The following RABGAP1 variants were observed in gnomAD, a reference collection of about 807,000 sequenced individuals.
RABGAP1 encodes rab GTPase-activating protein 1.
A neutral mutation model predicts 137.6 loss-of-function variants in RABGAP1; 23 were observed. That is an observed-to-expected ratio of 0.17 (90% CI 0.12 to 0.24). The LOEUF is 0.24. Ranked by LOEUF, RABGAP1 falls within the 10% of genes least tolerant of loss-of-function variation. The probability of loss-of-function intolerance (pLI) is 1.00; values close to 1 mark genes in which losing one functional copy is unlikely to be tolerated. For synonymous variants in RABGAP1, 451 were observed against 450.7 expected (o/e 1.00, Z -0.01); for missense variants, 906 against 1,275.8 (o/e 0.71, Z 4.42).
intron 13 of RABGAP1, among the ~76,000 whole-genome samples, chr9:123,053,522 A>T (rs890475504): frequency 6.6e-6 from 1 of 152,228 alleles, no homozygotes; most frequent in Non-Finnish European, 1.5e-5. Flanking sequence ...TTAGTCTTTA[A>T]AATGACTTCT....
chr9:122,932,012 C>A, the RABGAP1 span, among the ~76,000 whole-genome samples: 4 of 152,218 alleles, frequency 2.6e-5, no homozygotes, highest in African/African-American at 9.7e-5. Context: ...CTTGCACTCC[C>A]ATGGCTTCCG....
chr9:123,021,311 C>A (rs2539931), intron 13 of RABGAP1, among the ~76,000 whole-genome samples: 1 of 143,444 alleles, frequency 7.0e-6, no homozygotes. Context: ...AAAAAAAAAC[C>A]TTATAAGGGA....
At chr9:123,076,454 A>G (rs2034513321) in intron 18 of RABGAP1, among the ~76,000 whole-genome samples, 168 bp downstream of exon 18, 1 of 152,236 alleles carries the variant, frequency 6.6e-6, no homozygotes, top group African/African-American at 2.4e-5. Context: ...TGGGGATTAT[A>G]AAAGTGCTGG....
chr9:122,942,451 CA>C (rs1833637197), intron 1 of RABGAP1, among the ~76,000 whole-genome samples: 1 of 151,978 alleles, frequency 6.6e-6, no homozygotes, highest in African/African-American at 2.4e-5. Flanking sequence ...GCGGGTGGAT[CA>C]CAAGGTCAGG....
At chr9:122,993,053 C>G (rs1223346969) in intron 6 of RABGAP1, among the ~76,000 whole-genome samples, 3 of 151,670 alleles carry the variant, frequency 2.0e-5, no homozygotes, top group Non-Finnish European at 4.4e-5. Flanking sequence ...CTCCAACATA[C>G]TGTGTATAAT....
intron 2 of RABGAP1, among the ~76,000 whole-genome samples, chr9:122,959,845 G>T (rs1475086410): frequency 6.6e-6 from 1 of 152,138 alleles, no homozygotes; most frequent in Non-Finnish European, 1.5e-5. Context: ...TTGTTTTTCT[G>T]CCCAGCCCCT....
chr9:122,969,789 C>T (rs1010233557), intron 2 of RABGAP1, among the ~76,000 whole-genome samples: 8 of 152,080 alleles, frequency 5.3e-5, no homozygotes, highest in Admixed American at 2.0e-4. Flanking sequence ...TAGTCTCAAA[C>T]TCCTGGCCTC....
intron 10 of RABGAP1, among the ~76,000 whole-genome samples, chr9:123,007,458 G>C (rs1369959638): frequency 6.8e-6 from 1 of 146,180 alleles, no homozygotes; most frequent in East Asian, 2.1e-4. Flanking sequence ...GCTCACTGCA[G>C]CCTCTGCCTC....
the RABGAP1 span, among the ~76,000 whole-genome samples, chr9:122,934,667 G>C: frequency 0.14 from 10,189 of 73,970 alleles, 408 homozygotes; most frequent in African/African-American, 0.16. Context: ...CACACTTGAC[G>C]CCTTTATTTT....
At chr9:122,990,847 TAGTC>T (rs1389170770) in intron 6 of RABGAP1, 1 of 119,482 alleles carries the variant, frequency 8.4e-6, no homozygotes, top group Non-Finnish European at 1.7e-5. Context: ...GGCCAAAGCT[TAGTC>T]AGCTGGATTT....
At chr9:123,007,691 C>T (rs1370049247) in intron 10 of RABGAP1, among the ~76,000 whole-genome samples, 1 of 149,890 alleles carries the variant, frequency 6.7e-6, no homozygotes, top group East Asian at 2.0e-4. Context: ...ATTGGGATTA[C>T]AGGCATGAGC....
chr9:123,062,852 G>A (rs1345488999), intron 13 of RABGAP1: 5 of 152,000 alleles, frequency 3.3e-5, no homozygotes, highest in East Asian at 1.9e-4. Context: ...GCAGTGCCAC[G>A]ATGTTGGCTC....
intron 21 of RABGAP1, among the ~76,000 whole-genome samples, chr9:123,096,925 C>T (rs1192097335): frequency 6.6e-6 from 1 of 152,104 alleles, no homozygotes; most frequent in East Asian, 1.9e-4. Flanking sequence ...AAAGAAGATA[C>T]AGGAAAGGAA....
At chr9:122,948,897 A>G (rs1834076243) in intron 1 of RABGAP1, among the ~76,000 whole-genome samples, 1 of 152,206 alleles carries the variant, frequency 6.6e-6, no homozygotes, top group Admixed American at 6.5e-5. Flanking sequence ...TATTCAACCA[A>G]CCAAATTTAT....
chr9:123,034,247 C>T, intron 13 of RABGAP1: 1 of 379,186 alleles, frequency 2.6e-6, no homozygotes. Flanking sequence ...TTTCCCCCTA[C>T]CCTCACTTGG....
intron 4 of RABGAP1, among the ~76,000 whole-genome samples, chr9:122,988,338 C>G (rs921272833): frequency 6.6e-6 from 1 of 152,132 alleles, no homozygotes; most frequent in African/African-American, 2.4e-5. Context: ...GTTGAAATTG[C>G]ATAGTTTCTT....
chr9:123,041,573 G>T (rs866772637), intron 13 of RABGAP1, among the ~76,000 whole-genome samples: 1 of 152,124 alleles, frequency 6.6e-6, no homozygotes, highest in Non-Finnish European at 1.5e-5. Flanking sequence ...GCATATTTCT[G>T]TTAACTCCAC....
intron 13 of RABGAP1, among the ~76,000 whole-genome samples, chr9:123,036,660 T>C (rs534077879): frequency 1.3e-5 from 2 of 152,212 alleles, no homozygotes; most frequent in Non-Finnish European, 2.9e-5. Context: ...ACATTTTCTT[T>C]GTGGTTAAAT....
chr9:123,035,331 T>G lies in RABGAP1; in HGVS notation c.1794+14872T>G, dbSNP rs763181351. ...ATAAGCGCTATGCCATGGTCCTGTT[T>G]CGAATCACTAGTGTATTTTACATCC... On this transcript the variant is annotated intron_variant, in intron 13 of 25. Transcript: ENST00000373647. 2.0e-5 allele frequency: 32 copies of G among 1,614,068 alleles called. No homozygotes were observed. The African/African-American group carries it at 4.0e-4, about 20-fold the overall frequency.
Sources: gnomAD v4.1 joint callset for allele counts (sites outside exome capture counted in the v4.1 genomes callset) on GRCh38, gnomAD v4.1.1 for gene constraint, MANE v1.5 for transcripts, NCBI Gene and HGNC (gene_info 2026-07-23, HGNC 2026-07-21) for gene names.